Variants in LARGE1 observed in about 807,000 individuals in gnomAD.
The protein encoded by LARGE1 is xylosyl- and glucuronyltransferase LARGE1.
LARGE1 carries 43 observed loss-of-function variants against 87.6 expected under a neutral mutation model. The ratio of observed to expected loss-of-function variants is 0.49; its 90% CI spans 0.38 to 0.63. The LOEUF is 0.63. Among genes scored for constraint, LARGE1 ranks in the 30% least tolerant of loss-of-function variants. The pLI is 0.00. For missense variants in LARGE1, 802 were observed against 1,000.2 expected (o/e 0.80, Z 2.67); for synonymous variants, 434 against 394.6 (o/e 1.10, Z -1.18).
intron 11 of LARGE1, among the ~76,000 whole-genome samples, chr22:33,187,958 A>AAAAAAAAAAAAAAAAAAAAAAAG (rs1568965475): frequency 2.8e-5 from 3 of 107,472 alleles, no homozygotes. Context: ...AAAAAAAAAA[A>AAAAAAAAAAAAAAAAAAAAAAAG]AATCACTAAG....
At chr22:33,480,041 G>A (rs895982605) in intron 6 of LARGE1, among the ~76,000 whole-genome samples, 8 of 152,090 alleles carry the variant, frequency 5.3e-5, no homozygotes, top group Admixed American at 2.0e-4. Flanking sequence ...CACTGTGCCC[G>A]GCAAGAATGC....
chr22:33,257,071 G>T (rs558759724), intron 11 of LARGE1, among the ~76,000 whole-genome samples: 1 of 152,286 alleles, frequency 6.6e-6, no homozygotes, highest in Admixed American at 6.5e-5. Flanking sequence ...CGGGCGTGGT[G>T]GTGCATGCTT....
chr22:33,879,665 T>C (rs16993219), intron 1 of LARGE1, among the ~76,000 whole-genome samples: 5,171 of 152,266 alleles, frequency 0.034, 299 homozygotes, highest in African/African-American at 0.12. Flanking sequence ...TTCTCTCCCT[T>C]TTAGTAAAAT....
intron 2 of LARGE1, among the ~76,000 whole-genome samples, chr22:33,754,233 C>T (rs2084424232): frequency 6.6e-6 from 1 of 152,156 alleles, no homozygotes; most frequent in African/African-American, 2.4e-5. Context: ...GCATGTGTCA[C>T]CTGGGCACTA....
the LARGE1 span, among the ~76,000 whole-genome samples, chr22:33,110,863 T>C: frequency 2.6e-5 from 4 of 152,330 alleles, no homozygotes; most frequent in African/African-American, 7.2e-5. Context: ...GTCATTGCTT[T>C]TCTGTTGGCC....
intron 11 of LARGE1, among the ~76,000 whole-genome samples, chr22:33,211,928 C>A (rs1277694638): frequency 2.0e-5 from 3 of 152,138 alleles, no homozygotes; most frequent in African/African-American, 7.2e-5. Context: ...AGGGCAAGAC[C>A]CTAACTCTCT....
At chr22:33,461,264 G>A (rs965782268) in intron 6 of LARGE1, among the ~76,000 whole-genome samples, 3 of 152,066 alleles carry the variant, frequency 2.0e-5, no homozygotes, top group African/African-American at 4.8e-5. Flanking sequence ...CTCCAGCCTG[G>A]GCCACAGAGT....
intron 11 of LARGE1, among the ~76,000 whole-genome samples, chr22:33,195,645 AT>A (rs754852840): frequency 4.9e-4 from 74 of 152,202 alleles, no homozygotes; most frequent in Non-Finnish European, 6.9e-4. Context: ...ATGCAAATAT[AT>A]CAAAATCTAG....
At chr22:33,104,889 C>CTTTCTTTCTTTCTTTCTT in the LARGE1 span, among the ~76,000 whole-genome samples, 150 of 89,226 alleles carry the variant, frequency 1.7e-3, 2 homozygotes, top group Middle Eastern at 7.8e-3. Flanking sequence ...GACTTTCTCT[C>CTTTCTTTCTTTCTTTCTT]TCTTTCTTTC....
intron 1 of LARGE1, among the ~76,000 whole-genome samples, chr22:33,776,601 C>T (rs686137): frequency 0.7 from 105,730 of 152,050 alleles, 37,036 homozygotes; most frequent in East Asian, 0.8. Flanking sequence ...TTTGTTCTTC[C>T]GATTTTCATT....
chr22:33,486,260 C>T (rs1028775491), intron 6 of LARGE1, among the ~76,000 whole-genome samples: 2 of 152,140 alleles, frequency 1.3e-5, no homozygotes, highest in African/African-American at 4.8e-5. Flanking sequence ...TCTCTTTGTT[C>T]GAAGAGATCA....
intron 11 of LARGE1, among the ~76,000 whole-genome samples, chr22:33,264,400 T>C (rs1346515739): frequency 6.6e-6 from 1 of 152,254 alleles, no homozygotes; most frequent in African/African-American, 2.4e-5. Context: ...GGCTCACGCC[T>C]GTAATCCCAG....
intron 1 of LARGE1, among the ~76,000 whole-genome samples, chr22:33,870,534 C>G (rs1462929878): frequency 6.7e-6 from 1 of 149,350 alleles, no homozygotes; most frequent in Non-Finnish European, 1.5e-5. Flanking sequence ...ACCCTAACCC[C>G]ACAACATCCC....
downstream of LARGE1, among the ~76,000 whole-genome samples, chr22:33,161,771 T>G (rs1293893484): frequency 6.6e-6 from 1 of 152,212 alleles, no homozygotes; most frequent in African/African-American, 2.4e-5. Flanking sequence ...TCCCAGCTGC[T>G]TTCATGGGCT....
chr22:33,569,639 C>CT (rs2078134932), intron 5 of LARGE1, among the ~76,000 whole-genome samples: 2 of 152,332 alleles, frequency 1.3e-5, no homozygotes, highest in South Asian at 4.1e-4. Flanking sequence ...ATCTAGCACT[C>CT]TTCCCCCACC....
At chr22:33,619,765 C>T (rs1262333982) in intron 4 of LARGE1, among the ~76,000 whole-genome samples, 1 of 152,076 alleles carries the variant, frequency 6.6e-6, no homozygotes, top group Non-Finnish European at 1.5e-5. Context: ...GTGCTCACCT[C>T]CTGAAGGCAT....
intron 2 of LARGE1, among the ~76,000 whole-genome samples, chr22:33,710,858 T>C (rs956546804): frequency 2.0e-5 from 3 of 152,124 alleles, no homozygotes; most frequent in African/African-American, 7.2e-5. Context: ...AAAGGGGCAT[T>C]AGAGTACACG....
intron 6 of LARGE1, among the ~76,000 whole-genome samples, chr22:33,477,598 A>C (rs1007385985): frequency 1.3e-5 from 2 of 152,140 alleles, no homozygotes; most frequent in Non-Finnish European, 2.9e-5. Context: ...AACTCCCCCC[A>C]GCCATGCACA....
At chr22:33,581,241 A>C (rs1363745522) in intron 5 of LARGE1, among the ~76,000 whole-genome samples, 2 of 152,152 alleles carry the variant, frequency 1.3e-5, no homozygotes, top group Non-Finnish European at 2.9e-5. Context: ...TCACTGTCAT[A>C]ATGTGGAGGG....
Sources: gnomAD v4.1 joint callset for allele counts (sites outside exome capture counted in the v4.1 genomes callset) on GRCh38, gnomAD v4.1.1 for gene constraint, MANE v1.5 for transcripts, NCBI Gene and HGNC (gene_info 2026-07-23, HGNC 2026-07-21) for gene names.